The following FAM135B variants were observed in gnomAD, a reference collection of about 807,000 sequenced individuals.
The protein encoded by FAM135B is protein FAM135B.
Under a neutral mutation model 127.7 loss-of-function variants are expected in FAM135B, and 43 were observed. The ratio of observed to expected loss-of-function variants is 0.34; its 90% CI spans 0.26 to 0.43. The LOEUF is 0.43. Among genes scored for constraint, FAM135B ranks in the 20% least tolerant of loss-of-function variants. The pLI, the probability that FAM135B is intolerant of heterozygous loss-of-function variation, is 1.00. For missense variants in FAM135B, 1,558 were observed against 1,725.6 expected (o/e 0.90, Z 1.72); for synonymous variants, 670 against 665.1 (o/e 1.01, Z -0.11).
At chr8:138,407,116 GACAA>G (rs1432536812) in intron 1 of FAM135B, among the ~76,000 whole-genome samples, 3 of 151,168 alleles carry the variant, frequency 2.0e-5, no homozygotes, top group Admixed American at 6.6e-5. Context: ...ATCAATAACA[GACAA>G]ACAGAGAGCC....
At chr8:138,238,997 T>A (rs1211387784) in intron 7 of FAM135B, among the ~76,000 whole-genome samples, 2 of 152,222 alleles carry the variant, frequency 1.3e-5, no homozygotes, top group Admixed American at 6.5e-5. Context: ...GGATGTCTGC[T>A]TTGACACACA....
At position 138,243,928 on chromosome 8, in the gene FAM135B, T is replaced by C. The variant is rs989135303; in HGVS notation, c.543-860A>G. 1.3e-5 allele frequency among the ~76,000 whole-genome samples: 2 copies of C among 152,146 alleles called. No homozygotes were observed. Among genetic ancestry groups the C allele is most frequent in the African/African-American group, 2.4e-5 (1 of 41,458 alleles). ...GCATGTTTTAGTCCCTCAGTAAAAT[T>C]TAAAGTCTCTGATGGCAAAGAGGGT... On this transcript the variant is annotated intron_variant, in intron 6 of 19. Transcript: ENST00000395297. This position sits in a 1 kb window ranked among gnomAD's most constrained non-coding sequence, Gnocchi z 7.5.
chr8:138,186,096 C>A (rs370613361), intron 9 of FAM135B, among the ~76,000 whole-genome samples: 12 of 152,172 alleles, frequency 7.9e-5, no homozygotes, highest in East Asian at 7.7e-4. Context: ...TCCTTCAGGG[C>A]AATGTCCCAG....
At chr8:138,359,990 C>A (rs1356329952) in intron 2 of FAM135B, among the ~76,000 whole-genome samples, 2 of 152,058 alleles carry the variant, frequency 1.3e-5, no homozygotes. Context: ...GATTATAGGT[C>A]CTTTTTGTGA....
At chr8:138,265,560 G>T in intron 4 of FAM135B, 143 bp downstream of exon 4, 2 of 823,274 alleles carry the variant, frequency 2.4e-6, no homozygotes, top group African/African-American at 1.7e-5. Context: ...ATAAATAAGT[G>T]CATGAGTGCA....
intron 7 of FAM135B, among the ~76,000 whole-genome samples, chr8:138,198,844 G>C (rs4326421): frequency 2.6e-5 from 4 of 152,222 alleles, no homozygotes; most frequent in African/African-American, 9.6e-5. Flanking sequence ...TCTTAGAGCA[G>C]AGAAAGGAAT....
intron 1 of FAM135B, among the ~76,000 whole-genome samples, chr8:138,444,878 A>C (rs1236826555): frequency 6.6e-6 from 1 of 152,202 alleles, no homozygotes; most frequent in Non-Finnish European, 1.5e-5. Flanking sequence ...GTTTTTTGAA[A>C]AGATCAACAA....
intron 1 of FAM135B, among the ~76,000 whole-genome samples, chr8:138,469,848 C>T (rs150522035): frequency 1.3e-4 from 20 of 152,290 alleles, no homozygotes; most frequent in African/African-American, 4.6e-4. Context: ...AGTACATTCT[C>T]AAGCTAGCAG....
intron 3 of FAM135B, among the ~76,000 whole-genome samples, chr8:138,300,435 A>T (rs1399461048): frequency 1.3e-5 from 2 of 152,108 alleles, no homozygotes; most frequent in Non-Finnish European, 2.9e-5. Flanking sequence ...TTCCTTTTCA[A>T]GATTACAGTG....
chr8:138,316,240 C>T (rs933158768), intron 2 of FAM135B, among the ~76,000 whole-genome samples: 1 of 152,228 alleles, frequency 6.6e-6, no homozygotes, highest in African/African-American at 2.4e-5. Context: ...GGCGCGGTGG[C>T]TCACGCCTGT....
chr8:138,152,917 T>A lies in FAM135B; in HGVS notation c.1558A>T (p.Thr520Ser), dbSNP rs774381719. ...GTCCCAGCATCAGATGTTTGGCCAG[T>A]CCAACATTCATCTTCAGGCACACCT... ...KAGVPEDECW[T>S]GQTSDAGTYP... The change falls in exon 13 of 20, where the codon ACT becomes TCT. Residue 520 changes from threonine to serine, a missense_variant. By Grantham distance (58) the Thr-to-Ser change is moderately conservative. Around this residue, in one of 5 missense-constraint regions of FAM135B, gnomAD observed 923 missense variants for 865.3 expected, o/e 1.07. Coordinates refer to ENST00000395297, the MANE Select transcript of FAM135B (RefSeq NM_015912.4). 1 of 1,614,092 alleles carries A rather than the reference T, an allele frequency of 6.2e-7. No homozygotes were observed. The highest frequency in any genetic ancestry group is 8.5e-7 in the Non-Finnish European group (1 of 1,180,048).
At chr8:138,344,240 G>A (rs1221235327) in intron 2 of FAM135B, among the ~76,000 whole-genome samples, 1 of 152,234 alleles carries the variant, frequency 6.6e-6, no homozygotes, top group Admixed American at 6.5e-5. Flanking sequence ...TGTCAAGAAT[G>A]ACTCTGGGGT....
intron 1 of FAM135B, chr8:138,440,789 T>C (rs1252533652): frequency 6.6e-6 from 1 of 151,788 alleles, no homozygotes; most frequent in Non-Finnish European, 1.5e-5. Flanking sequence ...CTCTAATTGA[T>C]TGAAAAAGTG....
intron 1 of FAM135B, among the ~76,000 whole-genome samples, chr8:138,495,731 C>T (rs1028842407): frequency 6.6e-6 from 1 of 152,184 alleles, no homozygotes; most frequent in Non-Finnish European, 1.5e-5. Context: ...GCCCTCTCTC[C>T]AGCCTGCAGA....
chr8:138,159,833 G>GATAA (rs1819183128), intron 12 of FAM135B, among the ~76,000 whole-genome samples: 1 of 152,128 alleles, frequency 6.6e-6, no homozygotes, highest in Non-Finnish European at 1.5e-5. Context: ...TTTCTCAAAT[G>GATAA]ATAAAGAGTG....
At chr8:138,342,485 G>A (rs559436579) in intron 2 of FAM135B, among the ~76,000 whole-genome samples, 7 of 152,256 alleles carry the variant, frequency 4.6e-5, no homozygotes, top group South Asian at 2.1e-4. Context: ...CTGTGCTTGC[G>A]ACCAAGAGCC....
chr8:138,444,800 T>A (rs1836015368), intron 1 of FAM135B, among the ~76,000 whole-genome samples: 1 of 151,748 alleles, frequency 6.6e-6, no homozygotes, highest in South Asian at 2.1e-4. Flanking sequence ...ATAACTAAGA[T>A]CAGAGCAGAA....
chr8:138,451,074 C>T (rs138365596), intron 1 of FAM135B, among the ~76,000 whole-genome samples: 6 of 152,332 alleles, frequency 3.9e-5, no homozygotes, highest in East Asian at 1.9e-4. Flanking sequence ...AGACATTCTA[C>T]TGCTTTTAAA....
At chr8:138,293,753 T>C (rs2130806739) in intron 3 of FAM135B, among the ~76,000 whole-genome samples, 1 of 152,254 alleles carries the variant, frequency 6.6e-6, no homozygotes, top group East Asian at 1.9e-4. Flanking sequence ...ACAGTAGATG[T>C]TGGCATGGAT....
Sources: gnomAD v4.1 joint callset for allele counts (sites outside exome capture counted in the v4.1 genomes callset) on GRCh38, gnomAD v4.1.1 for gene constraint, gnomAD v4.1.1 regional missense constraint, Gnocchi (gnomAD v3.1) non-coding constraint, MANE v1.5 for transcripts, NCBI Gene and HGNC (gene_info 2026-07-23, HGNC 2026-07-21) for gene names.